AREL1: variants seen among roughly 807,000 people sequenced by gnomAD.
AREL1 encodes the protein apoptosis-resistant E3 ubiquitin protein ligase 1.
Under a neutral mutation model 99.0 loss-of-function variants are expected in AREL1, and 62 were observed. The observed-to-expected ratio is 0.63, with a 90% CI of 0.51 to 0.77. The LOEUF is 0.77. AREL1 is among the 30% of genes least tolerant of loss of function. AREL1 has a pLI of 0.00. For missense variants in AREL1, 879 were observed against 1,027.6 expected (o/e 0.86, Z 1.98); for synonymous variants, 380 against 376.5 (o/e 1.01, Z -0.11).
In AREL1 at chr14:74,670,020, T is replaced by C. The variant is rs1215863582; in HGVS notation, c.1715A>G (p.Tyr572Cys). ...GAAGCGAGCTCGGACCAACTGCTTG[T>C]AGGCTCCTCCTAGAGAGGACTCATA... ...CLYESSLGGA[Y>C]KQLVRARFTR... is the part of the protein sequence containing the mutation. Residue 572 changes from tyrosine to cysteine, a missense_variant, in exon 14 of 20, where the codon TAC becomes TGC. Tyr to Cys is a radical substitution (Grantham distance 194). Transcript: ENST00000356357. The C allele has an allele frequency of 5.0e-6, 8 of 1,614,064 alleles. No individual in the cohort carries two copies. The Admixed American group carries it at 5.0e-5, about 10-fold the overall frequency.
At position 74,692,074 on chromosome 14, in the gene AREL1, TAGA is replaced by T. The variant is rs1359810219; in HGVS notation, c.-82_-80del. The T allele has an allele frequency of 2.4e-6, 1 of 414,620 alleles. No individual in the cohort carries two copies. The highest frequency in any genetic ancestry group is 2.1e-5 in the African/African-American group (1 of 47,114). The allele number at this position is 414,620 out of a possible 1,614,324, so 25.7% of individuals were successfully genotyped here. The stretch of plus-strand genomic sequence containing the variant: ...GAGGGCCCATGTTCTGAGAACCAAG[TAGA>T]GCACTCCTATTCACCAAAGCAGGTA... On this transcript the variant is annotated 5_prime_UTR_variant, in exon 2 of 20. Transcript: ENST00000356357.
chr14:74,682,925 G>C (rs2089663351), intron 5 of AREL1, among the ~76,000 whole-genome samples: 1 of 152,190 alleles, frequency 6.6e-6, no homozygotes, highest in South Asian at 2.1e-4. Context: ...AGAACCATGA[G>C]CCAAATAAAC....
intron 1 of AREL1, among the ~76,000 whole-genome samples, chr14:74,706,267 G>A (rs914120376): frequency 2.0e-5 from 3 of 152,138 alleles, no homozygotes; most frequent in Admixed American, 2.0e-4. Context: ...CCCTCAATAA[G>A]TCTAGGAAGC....
At chr14:74,689,913 T>C (rs954590784) in intron 2 of AREL1, among the ~76,000 whole-genome samples, 34 of 151,708 alleles carry the variant, frequency 2.2e-4, no homozygotes, top group Non-Finnish European at 2.8e-4. Flanking sequence ...TTTATTCTTT[T>C]AGTCTCGTTT....
intron 11 of AREL1, among the ~76,000 whole-genome samples, chr14:74,672,324 A>G (rs1166094890): frequency 6.6e-6 from 1 of 152,248 alleles, no homozygotes; most frequent in Non-Finnish European, 1.5e-5. Flanking sequence ...AAGAACAGAC[A>G]TATGTAAAGA....
rs1052506492 is a variant in AREL1, at chr14:74,661,271, A to C, written c.*2449T>G. 1 of 455,978 alleles carries C rather than the reference A, an allele frequency of 2.2e-6. No individual in the cohort carries two copies. The highest frequency in any genetic ancestry group is 2.0e-5 in the African/African-American group (1 of 50,026). 28.2% of individuals were successfully genotyped at this position (455,978 alleles called of 1,614,324 possible). A position where few individuals can be genotyped will look rare whatever the true frequency, so the allele number is the denominator to read the frequency against. ...CACTCCTTAGTTCTTTTAAACATTT[A>C]TTTATCTACTGTACAAAATATTTAC... On this transcript the variant is annotated 3_prime_UTR_variant, in exon 20 of 20. Coordinates refer to ENST00000356357, the MANE Select transcript of AREL1 (RefSeq NM_001039479.2).
chr14:74,702,223 CCCCAACA>C (rs2090098713), intron 1 of AREL1, among the ~76,000 whole-genome samples: 1 of 152,212 alleles, frequency 6.6e-6, no homozygotes, highest in African/African-American at 2.4e-5. Context: ...CCACATTTCC[CCCCAACA>C]TTGCCCTAGC....
At chr14:74,666,684 G>A (rs576956105) in intron 17 of AREL1, among the ~76,000 whole-genome samples, 2 of 151,134 alleles carry the variant, frequency 1.3e-5, no homozygotes, top group African/African-American at 2.4e-5. Context: ...TTTTATAGAC[G>A]GTACATGATA....
intron 1 of AREL1, chr14:74,712,062 AAAAAAGAAAAAAAAAGAAAGAAAG>A (rs2090314815): frequency 6.2e-5 from 3 of 48,296 alleles, no homozygotes; most frequent in East Asian, 5.9e-4. Flanking sequence ...AAAAAAAAAA[AAAAAAGAAAAAAAAAGAAAGAAAG>A]AAAGAAAGAA....
intron 18 of AREL1, 63 bp from the exon 19 acceptor site, chr14:74,664,137 G>A: frequency 1.3e-6 from 2 of 1,545,782 alleles, no homozygotes; most frequent in Non-Finnish European, 8.8e-7. Context: ...AGATCCCTGG[G>A]GAAGGAACAA....
At chr14:74,708,839 T>C (rs939056249) in intron 1 of AREL1, among the ~76,000 whole-genome samples, 2 of 152,228 alleles carry the variant, frequency 1.3e-5, no homozygotes, top group Admixed American at 1.3e-4. Context: ...ATTTAGTTTC[T>C]AATAGCTAAG....
intron 2 of AREL1, among the ~76,000 whole-genome samples, chr14:74,689,013 T>TTTC (rs1478687419): frequency 7.2e-6 from 1 of 138,236 alleles, no homozygotes; most frequent in Non-Finnish European, 1.6e-5. Context: ...ATTTTTTGTA[T>TTTC]TTTTTTTTTT....
intron 1 of AREL1, among the ~76,000 whole-genome samples, chr14:74,694,164 G>T (rs933850440): frequency 6.7e-6 from 1 of 149,806 alleles, no homozygotes; most frequent in Non-Finnish European, 1.5e-5. Flanking sequence ...AACAGAGCCA[G>T]ACCCAGTCTC....
chr14:74,708,327 A>G (rs911298261), intron 1 of AREL1, among the ~76,000 whole-genome samples: 1 of 152,148 alleles, frequency 6.6e-6, no homozygotes, highest in Non-Finnish European at 1.5e-5. Context: ...CATTGCCCCA[A>G]TTCAGGTAAT....
Position 74,661,811 on chromosome 14 carries a change from G to C in AREL1, c.*1909C>G, listed in dbSNP as rs570125037. ...ATGCTCTGAAAAAGTGCTATGACTA[G>C]AGCTTAAAATGACAGGTCTAGCCAA... On this transcript the variant is annotated 3_prime_UTR_variant, in exon 20 of 20. Transcript: ENST00000356357. 1 of 152,688 alleles carries C rather than the reference G, an allele frequency of 6.5e-6. No homozygotes were observed. Among genetic ancestry groups the C allele is most frequent in the East Asian group, 1.9e-4 (1 of 5,206 alleles). 9.5% of individuals were successfully genotyped at this position (152,688 alleles called of 1,614,324 possible). A position where few individuals can be genotyped will look rare whatever the true frequency, so the allele number is the denominator to read the frequency against.
chr14:74,684,335 G>A lies in AREL1; in HGVS notation c.243+119C>T, dbSNP rs757129791. 9 of 847,242 alleles carry A rather than the reference G, an allele frequency of 1.1e-5. No individual in the cohort carries two copies. The Admixed American group carries it at 2.3e-4, about 21-fold the overall frequency. The allele number at this position is 847,242 out of a possible 1,614,324, so 52.5% of individuals were successfully genotyped here. A position where few individuals can be genotyped will look rare whatever the true frequency, so the allele number is the denominator to read the frequency against. ...CTCTTCAGATAGTAGCAATTCACTAGTTCCTGGAGGGAGTTGAAAAACAAG... is the reference window on the plus strand; with the variant it reads ...CTCTTCAGATAGTAGCAATTCACTAATTCCTGGAGGGAGTTGAAAAACAAG... On this transcript the variant is annotated intron_variant, in intron 4 of 19. Coordinates refer to ENST00000356357, the MANE Select transcript of AREL1 (RefSeq NM_001039479.2).
intron 2 of AREL1, among the ~76,000 whole-genome samples, chr14:74,688,729 C>T (rs184342653): frequency 6.6e-6 from 1 of 152,298 alleles, no homozygotes; most frequent in Non-Finnish European, 1.5e-5. Context: ...ATTTACTGAC[C>T]TCCCAGTTTC....
At chr14:74,703,012 T>C (rs1453984454) in intron 1 of AREL1, among the ~76,000 whole-genome samples, 1 of 152,228 alleles carries the variant, frequency 6.6e-6, no homozygotes, top group Admixed American at 6.5e-5. Flanking sequence ...TTTTCCTGTC[T>C]TCCTCTGAGC....
At chr14:74,664,123 G>T in intron 18 of AREL1, 49 bp from the exon 19 acceptor site, 1 of 1,576,304 alleles carries the variant, frequency 6.3e-7, no homozygotes, top group Non-Finnish European at 8.6e-7. Context: ...AACAAGCTAG[G>T]ATTAGATCCC....
Sources: allele counts gnomAD v4.1 joint callset (sites outside exome capture counted in the v4.1 genomes callset), GRCh38; gene constraint gnomAD v4.1.1; transcripts MANE v1.5; gene names NCBI Gene and HGNC (gene_info 2026-07-23, HGNC 2026-07-21).